Variants in PRKG1 observed in about 807,000 individuals in gnomAD.
PRKG1 encodes protein kinase cGMP-dependent 1.
Under a neutral mutation model 88.1 loss-of-function variants are expected in PRKG1, and 35 were observed. That is an observed-to-expected ratio of 0.40 (90% CI 0.30 to 0.53). PRKG1 has a LOEUF of 0.53. Ranked by LOEUF, PRKG1 falls within the 20% of genes least tolerant of loss-of-function variation. PRKG1 has a pLI of 0.59. For missense variants in PRKG1, 540 were observed against 839.8 expected, an observed-to-expected ratio of 0.64 and a Z score of 4.41; for synonymous variants, 303 against 292.5, an observed-to-expected ratio of 1.04 and a Z score of -0.37.
In PRKG1 at chr10:52,176,300, A is replaced by G. The variant is rs188477950; in HGVS notation, c.1076+14337A>G. On this transcript the variant is annotated intron_variant, in intron 9 of 17. Coordinates refer to ENST00000373980, the MANE Select transcript of PRKG1 (RefSeq NM_006258.4). ...TCTTTCTCCAGTGAGTGGTCTTGGC[A>G]CCTTTGTGAAAAATCAGTTGGCTAT... Among the ~76,000 whole-genome samples the G allele has an allele frequency of 2.2e-3, 330 of 147,626 alleles. 1 individual carries two copies. The highest frequency in any genetic ancestry group is 7.2e-3 in the African/African-American group (290 of 40,018).
rs41436851 is a variant in PRKG1, at chr10:52,161,699, C to T, written c.1002-190C>T. 0.011 allele frequency among the ~76,000 whole-genome samples: 1,739 copies of T among 152,054 alleles called. 48 individuals carry two copies. The highest frequency in any genetic ancestry group is 0.093 in the East Asian group (483 of 5,172). On this transcript the variant is annotated intron_variant, in intron 8 of 17. Transcript: ENST00000373980. The stretch of plus-strand genomic sequence containing the variant: ...TATTGGCAAATAATGTAGAAGAGGT[C>T]GGTAATTTCATAGAGTTTATATTCT...
At chr10:51,737,157 A>G (rs1019752370) in intron 3 of PRKG1, among the ~76,000 whole-genome samples, 1 of 152,220 alleles carries the variant, frequency 6.6e-6, no homozygotes, top group African/African-American at 2.4e-5. Flanking sequence ...ATTTGAATAA[A>G]GAAGTCTGGG....
intron 3 of PRKG1, among the ~76,000 whole-genome samples, chr10:51,495,561 A>G (rs1840829238): frequency 1.3e-5 from 2 of 152,238 alleles, no homozygotes; most frequent in Non-Finnish European, 2.9e-5. Context: ...CAGCAAGTGG[A>G]TGGGTCTCAA....
chr10:51,907,376 A>ATTTT, intron 4 of PRKG1, 131 bp from the exon 5 acceptor site: 5 of 533,710 alleles, frequency 9.4e-6, no homozygotes, highest in Middle Eastern at 3.8e-4. Context: ...TGGCTAATGC[A>ATTTT]TTTTTTTTTT....
intron 2 of PRKG1, among the ~76,000 whole-genome samples, chr10:51,354,528 A>G (rs555584230): frequency 1.3e-4 from 20 of 152,262 alleles, no homozygotes; most frequent in African/African-American, 3.6e-4. Flanking sequence ...TCATTTTCCC[A>G]TATAAAACTT....
chr10:51,464,861 A>C (rs889271938), intron 2 of PRKG1, among the ~76,000 whole-genome samples: 2 of 144,538 alleles, frequency 1.4e-5, no homozygotes, highest in Non-Finnish European at 3.0e-5. Flanking sequence ...ACTGCACTCC[A>C]GCCTGGGCGA....
At chr10:51,605,050 T>C (rs941347380) in intron 3 of PRKG1, among the ~76,000 whole-genome samples, 5 of 152,006 alleles carry the variant, frequency 3.3e-5, no homozygotes, top group African/African-American at 1.2e-4. Context: ...GAAGAGGGGA[T>C]GGAATGGGAA....
At chr10:51,818,070 T>C (rs1839639093) in intron 4 of PRKG1, among the ~76,000 whole-genome samples, 1 of 152,156 alleles carries the variant, frequency 6.6e-6, no homozygotes, top group Non-Finnish European at 1.5e-5. Context: ...CAGAATGTAG[T>C]AGCAAGGATT....
intron 9 of PRKG1, among the ~76,000 whole-genome samples, chr10:52,166,819 G>GTATATATATATATGTATATATGTA (rs370403466): frequency 1.8e-5 from 1 of 55,314 alleles, no homozygotes; most frequent in African/African-American, 5.5e-5. Context: ...GTATATATAT[G>GTATATATATATATGTATATATGTA]TATATATATG....
chr10:51,294,664 A>G (rs77667820), intron 2 of PRKG1, among the ~76,000 whole-genome samples: 1 of 152,138 alleles, frequency 6.6e-6, no homozygotes, highest in East Asian at 1.9e-4. Context: ...TTTCTGTTCC[A>G]TTGGTCAATA....
At chr10:52,164,628 TAATTAAAGAAGAAAGAA>T (rs1382069850) in intron 9 of PRKG1, among the ~76,000 whole-genome samples, 2 of 151,862 alleles carry the variant, frequency 1.3e-5, no homozygotes, top group Non-Finnish European at 2.9e-5. Flanking sequence ...AATTCAATTC[TAATTAAAGAAGAAAGAA>T]AGGCAATGAA....
At chr10:52,000,631 A>G (rs896265354) in intron 5 of PRKG1, among the ~76,000 whole-genome samples, 1 of 152,066 alleles carries the variant, frequency 6.6e-6, no homozygotes, top group Admixed American at 6.6e-5. Flanking sequence ...TGGACTTCTT[A>G]TAACTTGACA....
intron 3 of PRKG1, among the ~76,000 whole-genome samples, chr10:51,714,471 A>G (rs1841839631): frequency 6.6e-6 from 1 of 152,202 alleles, no homozygotes; most frequent in Non-Finnish European, 1.5e-5. Context: ...AGTAGAATGA[A>G]AGAAAGATGG....
chr10:51,100,209 G>A (rs1398443484), intron 1 of PRKG1, among the ~76,000 whole-genome samples: 2 of 152,132 alleles, frequency 1.3e-5, no homozygotes, highest in South Asian at 2.1e-4. Context: ...TTGTGTGTAT[G>A]TTTTAAATTA....
At chr10:51,025,256 T>C (rs1044256536) in intron 1 of PRKG1, among the ~76,000 whole-genome samples, 1 of 152,198 alleles carries the variant, frequency 6.6e-6, no homozygotes, top group African/African-American at 2.4e-5. Flanking sequence ...CCCCCAGCTT[T>C]ATCCTCTATC....
chr10:51,286,114 G>C (rs941899489), intron 2 of PRKG1, among the ~76,000 whole-genome samples: 2 of 152,088 alleles, frequency 1.3e-5, no homozygotes, highest in African/African-American at 4.8e-5. Flanking sequence ...GGGATTACAG[G>C]CCTGCCCCAC....
intron 2 of PRKG1, among the ~76,000 whole-genome samples, chr10:51,445,531 T>TAACAACAACAACAAC (rs943253236): frequency 6.6e-6 from 1 of 151,758 alleles, no homozygotes; most frequent in African/African-American, 2.4e-5. Context: ...AGGTTAAATA[T>TAACAACAACAACAAC]AACAACAACA....
In PRKG1 at chr10:51,052,738, A is replaced by G. The variant is rs183576179; in HGVS notation, c.266+61094A>G. On this transcript the variant is annotated intron_variant, in intron 1 of 17. Coordinates refer to the PRKG1 transcript ENST00000401604. Reference sequence around the variant, plus strand: ...TTCATCAATAATATTTCTATGTTCAATGTAGAGGCTTTGCCCCGTGAGAAG... The same window carrying G: ...TTCATCAATAATATTTCTATGTTCAGTGTAGAGGCTTTGCCCCGTGAGAAG... Among the ~76,000 whole-genome samples, 388 of 152,316 alleles carry G rather than the reference A, an allele frequency of 2.5e-3. 4 individuals are homozygous for G. The highest frequency in any genetic ancestry group is 8.9e-3 in the African/African-American group (372 of 41,580).
chr10:51,108,635 A>C (rs1323525967), intron 1 of PRKG1, among the ~76,000 whole-genome samples: 1 of 152,194 alleles, frequency 6.6e-6, no homozygotes. Context: ...TAACTTCATA[A>C]AGGGCAGTTA....
Sources: gnomAD v4.1 joint callset for allele counts (sites outside exome capture counted in the v4.1 genomes callset) on GRCh38, gnomAD v4.1.1 for gene constraint, MANE v1.5 for transcripts, NCBI Gene and HGNC (gene_info 2026-07-23, HGNC 2026-07-21) for gene names.